Variants in RASGRF2 observed in about 807,000 individuals in gnomAD.
The protein encoded by RASGRF2 is Ras protein specific guanine nucleotide releasing factor 2.
A neutral mutation model predicts 151.0 loss-of-function variants in RASGRF2; 76 were observed. That is an observed-to-expected ratio of 0.50 (90% CI 0.42 to 0.61). The LOEUF is 0.61. Among genes scored for constraint, RASGRF2 ranks in the 20% least tolerant of loss-of-function variants. The probability of loss-of-function intolerance (pLI) is 0.00; values close to 1 mark genes in which losing one functional copy is unlikely to be tolerated. For missense variants in RASGRF2, 1,148 were observed against 1,564.6 expected, an observed-to-expected ratio of 0.73 and a Z score of 4.49; for synonymous variants, 504 against 566.5, an observed-to-expected ratio of 0.89 and a Z score of 1.57.
chr5:81,199,897 C>CAAAA lies in RASGRF2; in HGVS notation c.2794-1419_2794-1416dup, dbSNP rs33924703. On this transcript the variant is annotated intron_variant, in intron 18 of 26. Transcript: ENST00000265080. ...CGGGTGACAGAGTGAGACTCCATCT[C>CAAAA]AAAAAAAAAAAAAAAAAGAAAATGG... is the stretch of plus-strand genomic sequence containing the variant. Among the ~76,000 whole-genome samples the CAAAA allele has an allele frequency of 1.3e-4, 12 of 95,426 alleles. 1 individual carries two copies. Among genetic ancestry groups the CAAAA allele is most frequent in the African/African-American group, 2.8e-4 (7 of 24,662 alleles). 62.6% of individuals were successfully genotyped at this position (95,426 alleles called of 152,430 possible). A position where few individuals can be genotyped will look rare whatever the true frequency, so the allele number is the denominator to read the frequency against.
At chr5:81,113,246 A>G in intron 14 of RASGRF2, 1 of 507,668 alleles carries the variant, frequency 2.0e-6, no homozygotes, top group Non-Finnish European at 3.5e-6. Flanking sequence ...GCTCTGATTC[A>G]GCAGGCCTGG....
intron 17 of RASGRF2, among the ~76,000 whole-genome samples, chr5:81,154,707 A>T (rs1754219979): frequency 1.3e-5 from 2 of 152,230 alleles, no homozygotes; most frequent in African/African-American, 4.8e-5. Flanking sequence ...TTTAGAAATT[A>T]AACAACAAAT....
intron 2 of RASGRF2, among the ~76,000 whole-genome samples, chr5:81,066,202 C>A (rs926465276): frequency 1.3e-5 from 2 of 152,116 alleles, no homozygotes; most frequent in African/African-American, 4.8e-5. Flanking sequence ...CAAGACTCTT[C>A]TATCTTTTCT....
rs560631130 is a variant in RASGRF2 at position 81,187,906 on chromosome 5, T to G, written c.2793+7625T>G. Among the ~76,000 whole-genome samples the G allele has an allele frequency of 8.5e-5, 13 of 152,366 alleles. No individual in the cohort carries two copies. The South Asian group carries it at 2.7e-3, about 32-fold the overall frequency. ...GTGAAACACAAAATTCAGTGTTGAA[T>G]TAGAGCACTGAGTTCAGGTTTGTTC... On this transcript the variant is annotated intron_variant, in intron 18 of 26. Coordinates refer to ENST00000265080, the MANE Select transcript of RASGRF2 (RefSeq NM_006909.3).
Position 81,008,139 on chromosome 5 carries a change from C to CTTTTTTTTTTTTT in RASGRF2, c.289-34721_289-34709dup, listed in dbSNP as rs58105434. 4.0e-4 allele frequency among the ~76,000 whole-genome samples: 34 copies of CTTTTTTTTTTTTT among 85,412 alleles called. 2 individuals carry two copies. The highest frequency in any genetic ancestry group is 6.0e-4 in the Non-Finnish European group (27 of 45,048). 56.0% of individuals were successfully genotyped at this position (85,412 alleles called of 152,430 possible). On this transcript the variant is annotated intron_variant, in intron 1 of 26. Coordinates refer to ENST00000265080, the MANE Select transcript of RASGRF2 (RefSeq NM_006909.3). ...AGTTTTCTTTTTCTTTCTTTCTTTC[C>CTTTTTTTTTTTTT]TTTTTTTTTTTTTTTTTTTTTTTTT...
rs1035078122 is a variant in RASGRF2 at position 81,049,196 on chromosome 5, C to A, written c.395+6213C>A. ...AAAAAAAAAAAAAATTCAGACAATA[C>A]AAAAGTAAAGAGTTATAGTTCCACC... On this transcript the variant is annotated intron_variant, in intron 2 of 26. Transcript: ENST00000265080. Among the ~76,000 whole-genome samples, 20 of 129,096 alleles carry A rather than the reference C, an allele frequency of 1.5e-4. No homozygotes were observed. In the South Asian group the frequency reaches 4.3e-3, roughly 27 times the overall value. The allele number at this position is 129,096 out of a possible 152,430, so 84.7% of individuals were successfully genotyped here.
At chr5:81,165,298 A>C (rs1399303581) in intron 17 of RASGRF2, among the ~76,000 whole-genome samples, 3 of 152,168 alleles carry the variant, frequency 2.0e-5, no homozygotes, top group African/African-American at 7.2e-5. Flanking sequence ...CATAAATGGA[A>C]GCAGTCTGTG....
chr5:81,213,510 A>G (rs1755668848), intron 23 of RASGRF2, among the ~76,000 whole-genome samples: 1 of 152,194 alleles, frequency 6.6e-6, no homozygotes, highest in African/African-American at 2.4e-5. Context: ...TGCCACCTCC[A>G]GGGTCCCAGA....
chr5:81,053,430 C>A (rs2112418561), intron 2 of RASGRF2, among the ~76,000 whole-genome samples: 1 of 152,050 alleles, frequency 6.6e-6, no homozygotes, highest in Non-Finnish European at 1.5e-5. Context: ...CCAGCTTCAT[C>A]CATGTCCCTA....
intron 2 of RASGRF2, among the ~76,000 whole-genome samples, chr5:81,044,830 T>TAA (rs1750786742): frequency 6.6e-6 from 1 of 152,148 alleles, no homozygotes; most frequent in African/African-American, 2.4e-5. Flanking sequence ...CACTACAGTC[T>TAA]TTTCTTGTTC....
intron 12 of RASGRF2, among the ~76,000 whole-genome samples, chr5:81,106,759 A>C (rs548017965): frequency 7.2e-5 from 11 of 152,240 alleles, no homozygotes; most frequent in Non-Finnish European, 1.3e-4. Context: ...GCTGGTTGAA[A>C]CACTGACTCT....
intron 5 of RASGRF2, among the ~76,000 whole-genome samples, chr5:81,074,871 T>G (rs1751891524): frequency 6.6e-6 from 1 of 152,124 alleles, no homozygotes; most frequent in South Asian, 2.1e-4. Context: ...TGCCCGGCAG[T>G]CCAGCTTGAG....
At chr5:81,063,935 A>C (rs974646138) in intron 2 of RASGRF2, among the ~76,000 whole-genome samples, 1 of 151,878 alleles carries the variant, frequency 6.6e-6, no homozygotes, top group Non-Finnish European at 1.5e-5. Flanking sequence ...TGTTTCTTTT[A>C]ATGTCTTTTC....
At chr5:81,128,435 C>G (rs1247287970) in intron 17 of RASGRF2, among the ~76,000 whole-genome samples, 1 of 152,138 alleles carries the variant, frequency 6.6e-6, no homozygotes, top group Non-Finnish European at 1.5e-5. Flanking sequence ...GCAAAAGCTC[C>G]TTCAGGTGAG....
chr5:80,995,692 C>CCG (rs1454316454), intron 1 of RASGRF2, among the ~76,000 whole-genome samples: 5 of 121,966 alleles, frequency 4.1e-5, no homozygotes, highest in South Asian at 3.2e-4. Context: ...CTTCCCCCCC[C>CCG]CTTTTTTTTT....
At chr5:81,023,950 A>C (rs1460559471) in intron 1 of RASGRF2, among the ~76,000 whole-genome samples, 1 of 152,210 alleles carries the variant, frequency 6.6e-6, no homozygotes, top group African/African-American at 2.4e-5. Flanking sequence ...GATTTATTGA[A>C]TATAATGTTA....
intron 17 of RASGRF2, among the ~76,000 whole-genome samples, chr5:81,153,419 T>C (rs1754182233): frequency 6.6e-6 from 1 of 152,182 alleles, no homozygotes; most frequent in African/African-American, 2.4e-5. Context: ...GGAGTGGCCA[T>C]AGCTGGCTTT....
At chr5:80,977,806 G>T (rs1748175104) in intron 1 of RASGRF2, among the ~76,000 whole-genome samples, 1 of 152,182 alleles carries the variant, frequency 6.6e-6, no homozygotes, top group South Asian at 2.1e-4. Flanking sequence ...ATTTAAGTGA[G>T]GGCAATTTAA....
At position 81,227,250 on chromosome 5, in the gene RASGRF2, A is replaced by G. The variant is rs1756019292; in HGVS notation, c.*1480A>G. 6.6e-6 allele frequency: 1 copy of G among 152,184 alleles called. No individual in the cohort carries two copies. Among genetic ancestry groups the G allele is most frequent in the South Asian group, 2.1e-4 (1 of 4,826 alleles). The allele number at this position is 152,184 out of a possible 1,614,324, so 9.4% of individuals were successfully genotyped here. On this transcript the variant is annotated 3_prime_UTR_variant, in exon 27 of 27. Coordinates refer to ENST00000265080, the MANE Select transcript of RASGRF2 (RefSeq NM_006909.3). Reference sequence around the variant, plus strand: ...TAATAAATTCCACCTGCTGGCTCTTAAGACTCAGTGAAAGAGCTAGCATTG... The same window carrying G: ...TAATAAATTCCACCTGCTGGCTCTTGAGACTCAGTGAAAGAGCTAGCATTG...
Sources: allele counts gnomAD v4.1 joint callset (sites outside exome capture counted in the v4.1 genomes callset), GRCh38; gene constraint gnomAD v4.1.1; transcripts MANE v1.5; gene names NCBI Gene and HGNC (gene_info 2026-07-23, HGNC 2026-07-21).